Variants in C10orf90 observed in about 807,000 individuals in gnomAD.
C10orf90 encodes the protein (E2-independent) E3 ubiquitin-conjugating enzyme FATS.
Under a neutral mutation model 62.5 loss-of-function variants are expected in C10orf90, and 56 were observed. The ratio of observed to expected loss-of-function variants is 0.90; its 90% CI spans 0.72 to 1.12. The LOEUF (loss-of-function observed/expected upper bound fraction) is 1.12, where lower values mean the gene tolerates loss of function less well. Ranked by LOEUF, C10orf90 falls within the 50% of genes most tolerant of loss-of-function variation. The pLI, the probability that C10orf90 is intolerant of heterozygous loss-of-function variation, is 0.00. For synonymous variants in C10orf90, 386 were observed against 340.4 expected (o/e 1.13, Z -1.47); for missense variants, 970 against 880.4 (o/e 1.10, Z -1.29).
chr10:126,530,206 A>G (rs942339883), intron 2 of C10orf90, among the ~76,000 whole-genome samples: 2 of 152,206 alleles, frequency 1.3e-5, no homozygotes, highest in Non-Finnish European at 2.9e-5. Flanking sequence ...AACTATACGT[A>G]TGCACATTAA....
intron 2 of C10orf90, among the ~76,000 whole-genome samples, chr10:126,534,425 T>A (rs538633322): frequency 6.6e-6 from 1 of 152,286 alleles, no homozygotes; most frequent in African/African-American, 2.4e-5. Context: ...CTCTTAGAGT[T>A]GTAAGTGGAC....
At chr10:126,661,920 C>G (rs905866834) in intron 1 of C10orf90, among the ~76,000 whole-genome samples, 2 of 151,984 alleles carry the variant, frequency 1.3e-5, no homozygotes, top group African/African-American at 4.8e-5. Context: ...TTTAATAGAT[C>G]ATTGCTTGCT....
At chr10:126,620,844 T>G (rs1845630724) in intron 2 of C10orf90, among the ~76,000 whole-genome samples, 2 of 152,188 alleles carry the variant, frequency 1.3e-5, no homozygotes. Context: ...TAAATTTCAG[T>G]AAATGGAAGG....
intron 8 of C10orf90, among the ~76,000 whole-genome samples, chr10:126,427,449 G>A (rs1230694299): frequency 6.6e-6 from 1 of 152,202 alleles, no homozygotes; most frequent in Non-Finnish European, 1.5e-5. Flanking sequence ...TTATTTCTGG[G>A]TGTGTCTGTG....
chr10:126,587,086 G>C (rs952198441), intron 2 of C10orf90, among the ~76,000 whole-genome samples: 1 of 152,152 alleles, frequency 6.6e-6, no homozygotes, highest in African/African-American at 2.4e-5. Context: ...TCATACTTGT[G>C]TATGCTGGAA....
chr10:126,455,033 C>T (rs977282743), intron 7 of C10orf90, among the ~76,000 whole-genome samples: 1 of 152,032 alleles, frequency 6.6e-6, no homozygotes, highest in East Asian at 1.9e-4. Flanking sequence ...CAATCACCAC[C>T]TCCCACTGAT....
intron 7 of C10orf90, among the ~76,000 whole-genome samples, chr10:126,438,716 A>G (rs1307826438): frequency 6.7e-6 from 1 of 149,630 alleles, no homozygotes; most frequent in African/African-American, 2.5e-5. Flanking sequence ...ATAGAATTTA[A>G]TGTGTGTGTA....
chr10:126,635,909 GAGAC>G (rs1845941752), intron 2 of C10orf90, among the ~76,000 whole-genome samples: 1 of 2,444 alleles, frequency 4.1e-4, no homozygotes, highest in Non-Finnish European at 3.6e-3. Flanking sequence ...GGTAGTTTGA[GAGAC>G]AGACACTTCA....
chr10:126,452,929 A>T (rs558013060), intron 7 of C10orf90, among the ~76,000 whole-genome samples: 3 of 152,320 alleles, frequency 2.0e-5, no homozygotes, highest in East Asian at 3.9e-4. Flanking sequence ...GGAGAATGAG[A>T]GCCTTGAGAT....
intron 2 of C10orf90, 94 bp from the exon 3 acceptor site, chr10:126,514,033 A>C: frequency 1.2e-6 from 1 of 842,348 alleles, no homozygotes. Context: ...TCACCTACTC[A>C]CATATTCTAT....
At chr10:126,478,891 C>T (rs968742159) in intron 4 of C10orf90, among the ~76,000 whole-genome samples, 4 of 152,140 alleles carry the variant, frequency 2.6e-5, no homozygotes, top group African/African-American at 9.7e-5. Context: ...GCTCAGTGAA[C>T]TTTAAATGCA....
chr10:126,607,092 T>C (rs1845328784), intron 2 of C10orf90, among the ~76,000 whole-genome samples: 1 of 152,188 alleles, frequency 6.6e-6, no homozygotes, highest in Non-Finnish European at 1.5e-5. Flanking sequence ...GAAGTCATGA[T>C]GGGTGAAGCA....
chr10:126,652,056 C>T (rs934476447), intron 1 of C10orf90, among the ~76,000 whole-genome samples: 11 of 152,064 alleles, frequency 7.2e-5, no homozygotes, highest in South Asian at 2.1e-4. Context: ...TGATCTTTGC[C>T]GGCATTGCAT....
intron 7 of C10orf90, among the ~76,000 whole-genome samples, chr10:126,438,622 A>G (rs1858079302): frequency 6.6e-6 from 1 of 152,214 alleles, no homozygotes; most frequent in South Asian, 2.1e-4. Context: ...TGGCTAGAGG[A>G]AACCAAGAAG....
At chr10:126,462,029 G>A (rs776266745) in intron 5 of C10orf90, among the ~76,000 whole-genome samples, 3 of 152,116 alleles carry the variant, frequency 2.0e-5, no homozygotes, top group Non-Finnish European at 2.9e-5. Context: ...TGCACTTGCT[G>A]GAGACGACCA....
At chr10:126,649,034 GTCTCTCTCTCTCTCTCTC>G in intron 1 of C10orf90, among the ~76,000 whole-genome samples, 1 of 26,620 alleles carries the variant, frequency 3.8e-5, no homozygotes, top group Non-Finnish European at 7.6e-5. Context: ...CTCTGTCTCT[GTCTCTCTCTCTCTCTCTC>G]TCTCTCTCTC....
chr10:126,515,374 C>G (rs367557163), intron 2 of C10orf90, among the ~76,000 whole-genome samples: 306 of 152,324 alleles, frequency 2.0e-3, no homozygotes, highest in African/African-American at 7.1e-3. Flanking sequence ...GCTCCATTCA[C>G]GGGAATTGTC....
intron 2 of C10orf90, among the ~76,000 whole-genome samples, chr10:126,612,241 A>G (rs555113246): frequency 6.6e-6 from 1 of 152,290 alleles, no homozygotes; most frequent in Admixed American, 6.5e-5. Flanking sequence ...GAATTGCTTG[A>G]ACTTGGGATG....
chr10:126,634,865 G>A (rs1169689373), intron 2 of C10orf90, among the ~76,000 whole-genome samples: 1 of 152,160 alleles, frequency 6.6e-6, no homozygotes, highest in Non-Finnish European at 1.5e-5. Context: ...GTCTCCTAAG[G>A]AAAGAACAGT....
Sources: allele counts gnomAD v4.1 joint callset (sites outside exome capture counted in the v4.1 genomes callset), GRCh38; gene constraint gnomAD v4.1.1; transcripts MANE v1.5; gene names NCBI Gene and HGNC (gene_info 2026-07-23, HGNC 2026-07-21).